HK1: variants seen among roughly 807,000 people sequenced by gnomAD.
HK1 encodes the protein hexokinase 1.
Under a neutral mutation model 91.6 loss-of-function variants are expected in HK1, and 28 were observed. The observed-to-expected ratio is 0.31, with a 90% CI of 0.23 to 0.42. HK1 has a LOEUF of 0.42. Ranked by LOEUF, HK1 falls within the 10% of genes least tolerant of loss-of-function variation. The pLI, the probability that HK1 is intolerant of heterozygous loss-of-function variation, is 1.00. For missense variants in HK1, 770 were observed against 1,219.8 expected, an observed-to-expected ratio of 0.63 and a Z score of 5.49; for synonymous variants, 430 against 468.1, an observed-to-expected ratio of 0.92 and a Z score of 1.05.
intron 13 of HK1, chr10:69,386,925 T>G (rs1225627156): frequency 6.6e-6 from 1 of 152,268 alleles, no homozygotes; most frequent in Non-Finnish European, 1.5e-5. Flanking sequence ...TGTTAAAAGA[T>G]TATTATTATT....
chr10:69,307,142 A>C (rs1410167007), intron 5 of HK1, among the ~76,000 whole-genome samples: 1 of 152,126 alleles, frequency 6.6e-6, no homozygotes, highest in Non-Finnish European at 1.5e-5. Context: ...CGAACTTGGG[A>C]GGGAGATGTG....
intron 1 of HK1, among the ~76,000 whole-genome samples, chr10:69,274,600 A>C (rs559428441): frequency 6.6e-6 from 1 of 151,690 alleles, no homozygotes; most frequent in Non-Finnish European, 1.5e-5. Flanking sequence ...AAAAAAAAAA[A>C]AAACAGTTTC....
At chr10:69,307,757 A>T (rs571216656) in intron 5 of HK1, among the ~76,000 whole-genome samples, 1 of 152,366 alleles carries the variant, frequency 6.6e-6, no homozygotes, top group South Asian at 2.1e-4. Context: ...AGTTCTACCT[A>T]AGTGCTAGCT....
At position 69,343,940 on chromosome 10, in the gene HK1, C is replaced by T. The variant is rs1848424416; in HGVS notation, c.177C>T (p.Ala59=). The change falls in exon 2 of 18, where the codon GCC becomes GCT. Residue 59 remains alanine (A), a synonymous_variant. Transcript: ENST00000359426. ...TCTCCCGGGATTTTAATCCAACAGC[C>T]ACAGTCAAGATGTTGCCAACATTCG... is the stretch of plus-strand genomic sequence containing the variant. ...NGLSRDFNPT[A]TVKMLPTFVR... is the part of the protein sequence containing the mutation. 4 of 1,613,936 alleles carry T rather than the reference C, an allele frequency of 2.5e-6. No individual in the cohort carries two copies. Among genetic ancestry groups the T allele is most frequent in the East Asian group, 4.5e-5 (2 of 44,900 alleles).
chr10:69,401,723 A>T lies in HK1; in HGVS notation c.*588A>T, dbSNP rs1254976275. 1 of 208,234 alleles carries T rather than the reference A, an allele frequency of 4.8e-6. No homozygotes were observed. The highest frequency in any genetic ancestry group is 2.4e-5 in the African/African-American group (1 of 42,212). 12.9% of individuals were successfully genotyped at this position (208,234 alleles called of 1,614,324 possible). A position where few individuals can be genotyped will look rare whatever the true frequency, so the allele number is the denominator to read the frequency against. ...TCCTAGCCGCGTGTGACAGTCTTGC[A>T]TTCTGTTTGTCTCGTGGGGGGAGGT... is the stretch of plus-strand genomic sequence containing the variant. On this transcript the variant is annotated 3_prime_UTR_variant, in exon 18 of 18. Coordinates refer to ENST00000359426, the MANE Select transcript of HK1 (RefSeq NM_000188.3).
chr10:69,369,505 G>C lies in HK1; in HGVS notation c.756G>C (p.Glu252Asp). 6.2e-7 allele frequency: 1 copy of C among 1,614,236 alleles called. No individual in the cohort carries two copies. Among genetic ancestry groups the C allele is most frequent in the Non-Finnish European group, 8.5e-7 (1 of 1,180,036 alleles). Reference sequence around the variant, plus strand: ...ACATTGATCTGGTGGAAGGAGACGAGGGGAGGATGTGTATCAATACAGAAT... The same window carrying C: ...ACATTGATCTGGTGGAAGGAGACGACGGGAGGATGTGTATCAATACAGAAT... The part of the protein sequence containing the change: ...LRHIDLVEGD[E>D]GRMCINTEWG... Residue 252 changes from glutamate (E) to aspartate (D), a missense_variant, in exon 7 of 18, where the codon GAG becomes GAC. Transcript: ENST00000359426. The surrounding 1 kb of genome is among the most constrained non-coding windows in gnomAD (Gnocchi z 4.4).
intron 7 of HK1, among the ~76,000 whole-genome samples, chr10:69,371,467 T>G (rs141621361): frequency 1.9e-3 from 291 of 152,352 alleles, no homozygotes; most frequent in African/African-American, 6.9e-3. Context: ...ACACATGGCA[T>G]GTATACCCTG....
chr10:69,280,334 G>A (rs1844678648), intron 1 of HK1, among the ~76,000 whole-genome samples: 1 of 152,108 alleles, frequency 6.6e-6, no homozygotes, highest in Admixed American at 6.5e-5. Context: ...AGCCAGGATG[G>A]TCTCGACCTC....
In HK1 at chr10:69,364,889, C is replaced by G. The variant is rs749131965; in HGVS notation, c.482C>G (p.Ser161Cys). 3 of 1,613,990 alleles carry G rather than the reference C, an allele frequency of 1.9e-6. No homozygotes were observed. Among genetic ancestry groups the G allele is most frequent in the Non-Finnish European group, 2.5e-6 (3 of 1,180,042 alleles). ...ACGTTTTCTTTTCCTTGCCAACAATCCAAAATAGATGAGGTAAGGATGTTC... is the reference window on the plus strand; with the variant it reads ...ACGTTTTCTTTTCCTTGCCAACAATGCAAAATAGATGAGGTAAGGATGTTC... Reference protein sequence around the residue: ...GFTFSFPCQQSKIDEAILITW... With the variant: ...GFTFSFPCQQCKIDEAILITW... Residue 161 changes from serine to cysteine, a missense_variant, in exon 4 of 18, where the codon TCC (serine) becomes TGC (cysteine). Ser to Cys is a moderately radical substitution (Grantham distance 112). This residue lies in a region of HK1 where 449 missense variants were observed against 665.1 expected (regional missense o/e 0.68). Coordinates refer to ENST00000359426, the MANE Select transcript of HK1 (RefSeq NM_000188.3).
chr10:69,313,761 CTGGGA>C (rs1846499199), upstream of HK1, among the ~76,000 whole-genome samples: 1 of 152,174 alleles, frequency 6.6e-6, no homozygotes, highest in South Asian at 2.1e-4. Flanking sequence ...TCCCAAAGTG[CTGGGA>C]TTACAGGCGT....
intron 14 of HK1, among the ~76,000 whole-genome samples, chr10:69,391,256 C>A (rs980355358): frequency 1.3e-5 from 2 of 152,234 alleles, no homozygotes; most frequent in East Asian, 1.9e-4. Flanking sequence ...ATGCTGAAGA[C>A]ACTGTCCTGC....
rs377579734 is a variant in HK1 at position 69,310,260 on chromosome 10, A to T, written c.27+9399A>T. 5.2e-4 allele frequency among the ~76,000 whole-genome samples: 78 copies of T among 151,184 alleles called. 1 individual carries two copies. The South Asian group carries it at 0.016, about 30-fold the overall frequency. On this transcript the variant is annotated intron_variant, in intron 5 of 21. Transcript: ENST00000360289. ...ACATGGCAAAACTCCCTCTCTATTA[A>T]AAACACAAAAATTAGCCGGGTGTGG...
intron 1 of HK1, among the ~76,000 whole-genome samples, chr10:69,327,697 G>T (rs1336737617): frequency 6.6e-6 from 1 of 152,200 alleles, no homozygotes; most frequent in Non-Finnish European, 1.5e-5. Flanking sequence ...GGAAGTATGT[G>T]CAGGTTGCCT....
At chr10:69,379,187 A>T (rs1183960262) in intron 8 of HK1, among the ~76,000 whole-genome samples, 3 of 152,206 alleles carry the variant, frequency 2.0e-5, no homozygotes, top group Non-Finnish European at 4.4e-5. Flanking sequence ...AGATGTCTGG[A>T]GATAAGATAC....
chr10:69,275,012 C>T (rs1046050936), intron 1 of HK1, among the ~76,000 whole-genome samples: 5 of 152,030 alleles, frequency 3.3e-5, no homozygotes, highest in African/African-American at 4.8e-5. Context: ...AATTTAATTC[C>T]ATTAGATTTC....
Position 69,394,978 on chromosome 10 carries a change from C to G in HK1, c.2248C>G (p.Leu750Val). ...TGAGAAGATGATCAGTGGTATGTAC[C>G]TGGGTGAAATCGTCCGCAACATCTT... ...RYEKMISGMYLGEIVRNILID... is the reference protein window; with the variant it reads ...RYEKMISGMYVGEIVRNILID... The change falls in exon 16 of 18, where the codon CTG becomes GTG. Residue 750 changes from leucine (L) to valine (V), a missense_variant. Leu to Val is a conservative substitution (Grantham distance 32). Coordinates refer to ENST00000359426, the MANE Select transcript of HK1 (RefSeq NM_000188.3). The G allele has an allele frequency of 6.2e-7, 1 of 1,614,126 alleles. No homozygotes were observed. Among genetic ancestry groups the G allele is most frequent in the Non-Finnish European group, 8.5e-7 (1 of 1,180,018 alleles).
At position 69,325,527 on chromosome 10, in the gene HK1, T is replaced by TC. The variant is rs200407025; in HGVS notation, c.63+6517_63+6518insC. 2.2e-3 allele frequency among the ~76,000 whole-genome samples: 289 copies of TC among 131,432 alleles called. 3 individuals carry two copies. Among genetic ancestry groups the TC allele is most frequent in the East Asian group, 9.1e-3 (41 of 4,508 alleles). The allele number at this position is 131,432 out of a possible 152,430, so 86.2% of individuals were successfully genotyped here. ...CACCAGCCAATGCTCCTGGCCTGCA[T>TC]TTTTTTTTTTTTTTTTGAGATGGGG... On this transcript the variant is annotated intron_variant, in intron 1 of 17. Transcript: ENST00000359426.
At chr10:69,314,654 TCTC>T (rs1846547239), upstream of HK1, among the ~76,000 whole-genome samples, 2 of 149,542 alleles carry the variant, frequency 1.3e-5, no homozygotes. Flanking sequence ...TCTTTTCTCT[TCTC>T]TTCTCTCTTT....
intron 2 of HK1, among the ~76,000 whole-genome samples, chr10:69,285,170 C>T (rs1844964002): frequency 6.6e-6 from 1 of 151,992 alleles, no homozygotes; most frequent in East Asian, 2.0e-4. Flanking sequence ...CGCGGTGGCT[C>T]ACGCCTGTAA....
Sources: gnomAD v4.1 joint callset for allele counts (sites outside exome capture counted in the v4.1 genomes callset) on GRCh38, gnomAD v4.1.1 for gene constraint, gnomAD v4.1.1 regional missense constraint, Gnocchi (gnomAD v3.1) non-coding constraint, MANE v1.5 for transcripts, NCBI Gene and HGNC (gene_info 2026-07-23, HGNC 2026-07-21) for gene names.